The following TRIM24 variants were observed in gnomAD, a reference collection of about 807,000 sequenced individuals.
The protein encoded by TRIM24 is transcription intermediary factor 1-alpha.
In TRIM24, 29 loss-of-function variants were observed where a neutral mutation model predicts 123.9. That is an observed-to-expected ratio of 0.23 (90% CI 0.17 to 0.32). TRIM24 has a LOEUF of 0.32. Ranked by LOEUF, TRIM24 falls within the 10% of genes least tolerant of loss-of-function variation. The pLI is 1.00. For synonymous variants in TRIM24, 456 were observed against 461.1 expected (o/e 0.99, Z 0.14); for missense variants, 932 against 1,295.3 (o/e 0.72, Z 4.31).
chr7:138,517,169 G>T (rs984034511), intron 3 of TRIM24, among the ~76,000 whole-genome samples: 1 of 149,600 alleles, frequency 6.7e-6, no homozygotes, highest in African/African-American at 2.4e-5. Flanking sequence ...GATGTGTTGT[G>T]CTTTTAATAT....
chr7:138,508,720 CGTGTGTGT>C (rs113425807), intron 2 of TRIM24, among the ~76,000 whole-genome samples: 5 of 72,594 alleles, frequency 6.9e-5, no homozygotes, highest in South Asian at 4.8e-4. Flanking sequence ...TGTGTGTGTG[CGTGTGTGT>C]GTGTGTGTGT....
chr7:138,472,290 T>TA (rs201465433), intron 1 of TRIM24, among the ~76,000 whole-genome samples: 1,595 of 137,808 alleles, frequency 0.012, 18 homozygotes, highest in East Asian at 0.062. Context: ...ACTGAATTTA[T>TA]AAAAAAAAAA....
At chr7:138,533,912 AG>A (rs1296733311) in intron 6 of TRIM24, among the ~76,000 whole-genome samples, 16 of 152,114 alleles carry the variant, frequency 1.1e-4, no homozygotes, top group African/African-American at 3.9e-4. Context: ...TGGTCTATTC[AG>A]GGATTCAACT....
intron 2 of TRIM24, 90 bp from the exon 3 acceptor site, chr7:138,515,122 G>A (rs1020774054): frequency 2.1e-4 from 274 of 1,324,436 alleles, no homozygotes; most frequent in Non-Finnish European, 2.5e-4. Context: ...GATTTAGCCT[G>A]GTACAATTGG....
chr7:138,500,202 A>C (rs566110250), intron 1 of TRIM24, among the ~76,000 whole-genome samples: 1 of 152,220 alleles, frequency 6.6e-6, no homozygotes, highest in Non-Finnish European at 1.5e-5. Context: ...CTTCACAGAA[A>C]GGAGATAACA....
intron 2 of TRIM24, among the ~76,000 whole-genome samples, chr7:138,513,566 G>T (rs188489041): frequency 6.6e-6 from 1 of 152,092 alleles, no homozygotes; most frequent in Non-Finnish European, 1.5e-5. Context: ...CAAAAAGAGA[G>T]GGGGGAGGCG....
intron 1 of TRIM24, among the ~76,000 whole-genome samples, chr7:138,489,736 C>T (rs1028576512): frequency 2.6e-5 from 4 of 152,134 alleles, no homozygotes; most frequent in African/African-American, 9.7e-5. Context: ...TGATGGGCTT[C>T]CCTTTGTGGG....
chr7:138,501,167 C>A (rs527759371), intron 1 of TRIM24, among the ~76,000 whole-genome samples: 2 of 152,116 alleles, frequency 1.3e-5, no homozygotes, highest in Non-Finnish European at 2.9e-5. Flanking sequence ...TGCATTGCAC[C>A]ACAGTATTAT....
intron 14 of TRIM24, among the ~76,000 whole-genome samples, chr7:138,578,939 G>GTAT (rs201320404): frequency 0.013 from 1,878 of 149,398 alleles, 32 homozygotes; most frequent in African/African-American, 0.044. Flanking sequence ...TATATATATA[G>GTAT]GTCATGTGGT....
At position 138,583,849 on chromosome 7, in the gene TRIM24, G is replaced by T. The variant is rs1258763275; in HGVS notation, c.2794-1G>T. The T allele has an allele frequency of 1.3e-6, 2 of 1,543,088 alleles. No individual in the cohort carries two copies. The highest frequency in any genetic ancestry group is 1.4e-5 in the African/African-American group (1 of 71,328). On this transcript the variant is annotated splice_acceptor_variant, in intron 17 of 18. Transcript: ENST00000343526. LOFTEE classifies it high-confidence loss of function. ...ATTATAACATCTCATTTTTTTAATA[G>T]GTGCCTGATTATTACAAAATAATTA...
chr7:138,462,384 A>G (rs1201627712), intron 1 of TRIM24, among the ~76,000 whole-genome samples: 2 of 131,478 alleles, frequency 1.5e-5, no homozygotes, highest in Admixed American at 9.1e-5. Flanking sequence ...TCTGTCGCCC[A>G]GGCTGGAGTG....
In TRIM24 at chr7:138,551,071, C is replaced by T. The variant is rs1411102689; in HGVS notation, c.1152C>T (p.Tyr384=). ...TCTCCTTTTTCTTCTAGATTACATA[C>T]CGGTTACGGCACCTCCTTCGTGCAA... The part of the protein sequence containing the change: ...ALLYSKRLIT[Y]RLRHLLRARC... Residue 384 remains tyrosine (Y), a synonymous_variant, in exon 8 of 19, where the codon TAC becomes TAT. Coordinates refer to ENST00000343526, the MANE Select transcript of TRIM24 (RefSeq NM_015905.3). 1.2e-6 allele frequency: 2 copies of T among 1,613,156 alleles called. No individual in the cohort carries two copies. The highest frequency in any genetic ancestry group is 1.7e-5 in the Admixed American group (1 of 59,966).
chr7:138,466,150 A>G (rs1795131124), intron 1 of TRIM24, among the ~76,000 whole-genome samples: 1 of 151,936 alleles, frequency 6.6e-6, no homozygotes, highest in Admixed American at 6.6e-5. Context: ...ATTACACTAC[A>G]CCTGGCTAAT....
chr7:138,512,628 A>G (rs1796313132), intron 2 of TRIM24, among the ~76,000 whole-genome samples: 2 of 152,236 alleles, frequency 1.3e-5, no homozygotes, highest in South Asian at 4.1e-4. Flanking sequence ...TCTTTGAGCC[A>G]TGGCTGGAAC....
At chr7:138,490,162 A>G (rs1258029739) in intron 1 of TRIM24, among the ~76,000 whole-genome samples, 2 of 152,168 alleles carry the variant, frequency 1.3e-5, no homozygotes, top group Non-Finnish European at 1.5e-5. Context: ...AAGCTTGTGC[A>G]TGCATCACCT....
chr7:138,468,358 C>A (rs549520457), intron 1 of TRIM24, among the ~76,000 whole-genome samples: 1 of 152,104 alleles, frequency 6.6e-6, no homozygotes, highest in African/African-American at 2.4e-5. Flanking sequence ...GGTTTTGCTA[C>A]AGGTATTTTG....
At chr7:138,473,029 C>T (rs1429632908) in intron 1 of TRIM24, among the ~76,000 whole-genome samples, 1 of 152,138 alleles carries the variant, frequency 6.6e-6, no homozygotes, top group African/African-American at 2.4e-5. Context: ...CCTGTAATCC[C>T]AACACTTTGG....
chr7:138,553,479 A>T (rs1043411131), intron 8 of TRIM24, among the ~76,000 whole-genome samples: 2 of 152,170 alleles, frequency 1.3e-5, no homozygotes, highest in Non-Finnish European at 2.9e-5. Context: ...ATATTTTTAG[A>T]ATGCATATGA....
intron 1 of TRIM24, among the ~76,000 whole-genome samples, 192 bp from the exon 2 acceptor site, chr7:138,504,098 T>C (rs1437658744): frequency 2.0e-5 from 3 of 152,224 alleles, no homozygotes; most frequent in African/African-American, 7.2e-5. Flanking sequence ...AATTTATTTA[T>C]CATTTAATAT....
Sources: gnomAD v4.1 joint callset for allele counts (sites outside exome capture counted in the v4.1 genomes callset) on GRCh38, gnomAD v4.1.1 for gene constraint, MANE v1.5 for transcripts, NCBI Gene and HGNC (gene_info 2026-07-23, HGNC 2026-07-21) for gene names.